Variants in CTNND2 observed in about 807,000 individuals in gnomAD.
CTNND2 encodes catenin delta 2.
A neutral mutation model predicts 144.4 loss-of-function variants in CTNND2; 22 were observed. The observed-to-expected ratio is 0.15, with a 90% CI of 0.11 to 0.22. The LOEUF is 0.22. CTNND2 is among the 10% of genes least tolerant of loss of function. The pLI is 1.00. For missense variants in CTNND2, 1,353 were observed against 1,618.8 expected (o/e 0.84, Z 2.82); for synonymous variants, 751 against 695.6 (o/e 1.08, Z -1.25).
At chr5:11,182,205 G>T (rs1217938347) in intron 11 of CTNND2, among the ~76,000 whole-genome samples, 6 of 145,590 alleles carry the variant, frequency 4.1e-5, no homozygotes, top group Non-Finnish European at 9.1e-5. Context: ...TGTGTGTGTG[G>T]GTGTGTGTGT....
At chr5:11,765,951 T>C (rs1221362012) in intron 1 of CTNND2, among the ~76,000 whole-genome samples, 1 of 152,162 alleles carries the variant, frequency 6.6e-6, no homozygotes, top group Non-Finnish European at 1.5e-5. Context: ...AGAGTCAGTA[T>C]AGAGATAGAA....
At chr5:11,832,572 G>T (rs1240260824) in intron 1 of CTNND2, among the ~76,000 whole-genome samples, 3 of 152,160 alleles carry the variant, frequency 2.0e-5, no homozygotes, top group Non-Finnish European at 4.4e-5. Flanking sequence ...CAACATCAAT[G>T]GCTGTTTGGG....
intron 1 of CTNND2, among the ~76,000 whole-genome samples, chr5:11,902,740 A>G (rs1189442013): frequency 6.6e-6 from 1 of 152,150 alleles, no homozygotes; most frequent in Admixed American, 6.5e-5. Context: ...CACCTGCCAG[A>G]GCTAAGGCGA....
intron 11 of CTNND2, among the ~76,000 whole-genome samples, chr5:11,167,615 T>C (rs564565379): frequency 9.9e-5 from 15 of 152,140 alleles, no homozygotes; most frequent in Admixed American, 3.9e-4. Context: ...GATGTTCAAA[T>C]TTCAGTACCA....
chr5:11,354,962 T>C (rs1171929225), intron 8 of CTNND2, among the ~76,000 whole-genome samples: 3 of 152,120 alleles, frequency 2.0e-5, no homozygotes, highest in Non-Finnish European at 4.4e-5. Context: ...ACTTTACAAA[T>C]ACATGGAAAT....
chr5:11,389,153 CA>C (rs1759380026), intron 6 of CTNND2, among the ~76,000 whole-genome samples: 1 of 152,196 alleles, frequency 6.6e-6, no homozygotes, highest in African/African-American at 2.4e-5. Context: ...TCTTCATTCT[CA>C]GCTCTTTGGA....
chr5:11,049,234 A>G (rs1363189511), intron 16 of CTNND2, among the ~76,000 whole-genome samples: 1 of 152,140 alleles, frequency 6.6e-6, no homozygotes, highest in Non-Finnish European at 1.5e-5. Context: ...ACCTGCCTCA[A>G]TAACCTCCTA....
intron 9 of CTNND2, among the ~76,000 whole-genome samples, chr5:11,307,368 G>A (rs891072660): frequency 4.0e-5 from 6 of 150,846 alleles, no homozygotes; most frequent in Non-Finnish European, 8.9e-5. Context: ...GTCACAGGGC[G>A]CAATACACAG....
At chr5:11,120,811 G>A (rs1754066804) in intron 12 of CTNND2, among the ~76,000 whole-genome samples, 1 of 152,340 alleles carries the variant, frequency 6.6e-6, no homozygotes, top group South Asian at 2.1e-4. Flanking sequence ...ATGAGGCTCA[G>A]TATACATTTT....
chr5:11,845,148 A>T (rs975885857), intron 1 of CTNND2, among the ~76,000 whole-genome samples: 5 of 152,214 alleles, frequency 3.3e-5, no homozygotes, highest in African/African-American at 1.2e-4. Context: ...AGGAAGTGAA[A>T]TAGCCAGGAC....
chr5:11,648,152 G>A (rs16901821), intron 2 of CTNND2, among the ~76,000 whole-genome samples: 4,302 of 149,956 alleles, frequency 0.029, 198 homozygotes, highest in African/African-American at 0.097. Context: ...CTCCATCAAT[G>A]AGGGCAGAGA....
At chr5:11,262,026 T>C (rs1308842976) in intron 9 of CTNND2, among the ~76,000 whole-genome samples, 1 of 152,156 alleles carries the variant, frequency 6.6e-6, no homozygotes, top group Non-Finnish European at 1.5e-5. Context: ...TTATCTATTA[T>C]AGAGATCAAG....
At chr5:11,226,096 A>G (rs907764206) in intron 10 of CTNND2, among the ~76,000 whole-genome samples, 25 of 152,292 alleles carry the variant, frequency 1.6e-4, no homozygotes, top group East Asian at 5.8e-4. Flanking sequence ...CCCCTTCTCA[A>G]TCTTGGACTT....
intron 3 of CTNND2, among the ~76,000 whole-genome samples, chr5:11,420,690 C>T (rs1053443111): frequency 2.0e-5 from 3 of 152,274 alleles, no homozygotes; most frequent in Non-Finnish European, 1.5e-5. Flanking sequence ...TCCCTTTGGT[C>T]GGCTGCCTGT....
chr5:11,416,562 G>C (rs932045785), intron 3 of CTNND2, among the ~76,000 whole-genome samples: 4 of 152,056 alleles, frequency 2.6e-5, no homozygotes, highest in African/African-American at 9.7e-5. Flanking sequence ...TTATGTATTT[G>C]ATTCCTTGTT....
intron 9 of CTNND2, among the ~76,000 whole-genome samples, chr5:11,281,639 G>A (rs1747128537): frequency 6.6e-6 from 1 of 152,198 alleles, no homozygotes. Flanking sequence ...AGATCACAGT[G>A]TCAACAGATT....
intron 1 of CTNND2, among the ~76,000 whole-genome samples, chr5:11,745,308 G>T (rs1459024424): frequency 6.6e-6 from 1 of 152,062 alleles, no homozygotes; most frequent in East Asian, 1.9e-4. Context: ...TGCGCCCTTC[G>T]TGGGATACTA....
chr5:11,321,740 A>G (rs1752056265), intron 9 of CTNND2, among the ~76,000 whole-genome samples: 4 of 152,150 alleles, frequency 2.6e-5, no homozygotes, highest in Admixed American at 2.6e-4. Context: ...ATGCATGCAC[A>G]CACATCACAC....
chr5:11,223,123 T>C (rs1739964811), intron 10 of CTNND2, among the ~76,000 whole-genome samples: 1 of 152,160 alleles, frequency 6.6e-6, no homozygotes, highest in Non-Finnish European at 1.5e-5. Context: ...CCACCCCATA[T>C]CTTTGCATCT....
Sources: allele counts gnomAD v4.1 joint callset (sites outside exome capture counted in the v4.1 genomes callset), GRCh38; gene constraint gnomAD v4.1.1; transcripts MANE v1.5; gene names NCBI Gene and HGNC (gene_info 2026-07-23, HGNC 2026-07-21).